The following ERC1 variants were observed in gnomAD, a reference collection of about 807,000 sequenced individuals.
The protein encoded by ERC1 is ELKS/RAB6-interacting/CAST family member 1.
In ERC1, 56 loss-of-function variants were observed where a neutral mutation model predicts 132.0. The ratio of observed to expected loss-of-function variants is 0.42; its 90% CI spans 0.34 to 0.53. ERC1 has a LOEUF of 0.53. Among genes scored for constraint, ERC1 ranks in the 20% least tolerant of loss-of-function variants. ERC1 has a pLI of 0.03. For synonymous variants in ERC1, 478 were observed against 476.1 expected, an observed-to-expected ratio of 1.00 and a Z score of -0.05; for missense variants, 1,202 against 1,349.9, an observed-to-expected ratio of 0.89 and a Z score of 1.72.
intron 15 of ERC1, among the ~76,000 whole-genome samples, chr12:1,363,214 A>G (rs1225877083): frequency 1.3e-5 from 2 of 152,178 alleles, no homozygotes; most frequent in East Asian, 3.8e-4. Context: ...TTTGACAAGT[A>G]GAGATACAGA....
chr12:1,432,808 C>T (rs922154332), intron 17 of ERC1, among the ~76,000 whole-genome samples: 2 of 152,238 alleles, frequency 1.3e-5, no homozygotes, highest in Non-Finnish European at 2.9e-5. Flanking sequence ...TGGCACAGAA[C>T]TATCAATACA....
intron 15 of ERC1, among the ~76,000 whole-genome samples, chr12:1,316,993 C>T (rs11061696): frequency 6.6e-6 from 1 of 151,984 alleles, no homozygotes; most frequent in Non-Finnish European, 1.5e-5. Flanking sequence ...AACCCCATCT[C>T]TACTAAAAAT....
At chr12:1,036,210 C>T (rs1171389917) in intron 2 of ERC1, among the ~76,000 whole-genome samples, 6 of 151,636 alleles carry the variant, frequency 4.0e-5, no homozygotes, top group Non-Finnish European at 7.4e-5. Context: ...ACTTAGGAAT[C>T]GAGAATTTCT....
chr12:1,057,591 T>C (rs1235202512), intron 2 of ERC1, among the ~76,000 whole-genome samples: 1 of 142,388 alleles, frequency 7.0e-6, no homozygotes, highest in African/African-American at 2.6e-5. Context: ...CATGGTTTTT[T>C]TTTTTTTTTT....
intron 15 of ERC1, among the ~76,000 whole-genome samples, chr12:1,291,410 TC>T (rs1407482429): frequency 6.6e-6 from 1 of 152,208 alleles, no homozygotes; most frequent in African/African-American, 2.4e-5. Context: ...GACACTAGAT[TC>T]TTCACTCTGT....
chr12:1,057,042 T>C (rs2154172635), intron 2 of ERC1, among the ~76,000 whole-genome samples: 1 of 152,364 alleles, frequency 6.6e-6, no homozygotes, highest in Middle Eastern at 3.4e-3. Context: ...GATGTTATTT[T>C]ATCTTGAAGC....
chr12:1,146,316 T>G (rs1003589005), intron 8 of ERC1, among the ~76,000 whole-genome samples: 9 of 132,780 alleles, frequency 6.8e-5, no homozygotes, highest in Admixed American at 4.3e-4. Context: ...TGGTTTTTTT[T>G]TTTTTTTTTT....
At chr12:1,165,368 C>T (rs926382191) in intron 8 of ERC1, among the ~76,000 whole-genome samples, 2 of 151,400 alleles carry the variant, frequency 1.3e-5, no homozygotes, top group Admixed American at 6.6e-5. Context: ...TGCAGTGGCG[C>T]GATCTTGGCT....
chr12:1,337,443 G>A (rs1055733996), intron 15 of ERC1, among the ~76,000 whole-genome samples: 8 of 151,714 alleles, frequency 5.3e-5, no homozygotes, highest in African/African-American at 9.7e-5. Context: ...CATTGCATAC[G>A]AAATGGGCCT....
chr12:1,483,345 C>T (rs925217418), intron 18 of ERC1, among the ~76,000 whole-genome samples: 5 of 151,976 alleles, frequency 3.3e-5, no homozygotes, highest in South Asian at 2.1e-4. Flanking sequence ...CTGTTGAGAC[C>T]GGCTTCTTTC....
chr12:1,154,309 ATG>A (rs1285062316), intron 8 of ERC1, among the ~76,000 whole-genome samples: 13 of 148,452 alleles, frequency 8.8e-5, no homozygotes, highest in East Asian at 2.0e-4. Context: ...GTGCATATAT[ATG>A]TGTGTGTGTA....
intron 14 of ERC1, among the ~76,000 whole-genome samples, chr12:1,274,576 T>TC (rs1179106454): frequency 6.6e-6 from 1 of 152,006 alleles, no homozygotes; most frequent in African/African-American, 2.4e-5. Flanking sequence ...TGCTGCAACC[T>TC]CCATCTCCCA....
intron 17 of ERC1, among the ~76,000 whole-genome samples, chr12:1,442,964 G>T (rs1418439965): frequency 1.3e-5 from 2 of 152,084 alleles, no homozygotes; most frequent in Non-Finnish European, 1.5e-5. Context: ...CTGGAGTGCA[G>T]TGGTGTGATC....
chr12:1,317,525 G>T (rs189144732), intron 15 of ERC1, among the ~76,000 whole-genome samples: 4 of 152,100 alleles, frequency 2.6e-5, no homozygotes, highest in African/African-American at 4.8e-5. Flanking sequence ...CGTTCTGCAC[G>T]TGTATCCCAG....
intron 7 of ERC1, among the ~76,000 whole-genome samples, chr12:1,138,032 A>T (rs1279395722): frequency 7.9e-6 from 1 of 126,408 alleles, no homozygotes; most frequent in Admixed American, 8.9e-5. Context: ...ATATTATATA[A>T]TTATATATAA....
chr12:1,110,254 G>A lies in ERC1; in HGVS notation c.1224G>A (p.Leu408=), dbSNP rs1335766892. The A allele has an allele frequency of 2.5e-6, 4 of 1,613,520 alleles. No individual in the cohort carries two copies. The highest frequency in any genetic ancestry group is 3.4e-6 in the Non-Finnish European group (4 of 1,179,778). The change falls in exon 5 of 19, where the codon CTG becomes CTA. Residue 408 remains leucine, a synonymous_variant. Transcript: ENST00000360905. The part of the protein sequence containing the change: ...LRDLEEEIQM[L]KSNGALSTEE... The stretch of plus-strand genomic sequence containing the variant: ...ACCTGGAAGAGGAAATTCAGATGCT[G>A]AAATCGAATGGTGCTTTGAGTACTG...
chr12:1,180,961 G>C (rs1048937388), intron 9 of ERC1, among the ~76,000 whole-genome samples: 45 of 151,968 alleles, frequency 3.0e-4, no homozygotes, highest in African/African-American at 1.1e-3. Flanking sequence ...ACAAGCATGA[G>C]CCACCATGCC....
intron 13 of ERC1, among the ~76,000 whole-genome samples, chr12:1,243,927 A>G (rs1341798541): frequency 6.6e-6 from 1 of 152,130 alleles, no homozygotes; most frequent in Non-Finnish European, 1.5e-5. Context: ...CCATATTTAT[A>G]TTTTTTTCTA....
At chr12:1,439,436 A>G (rs2093041011) in intron 17 of ERC1, among the ~76,000 whole-genome samples, 1 of 152,220 alleles carries the variant, frequency 6.6e-6, no homozygotes, top group South Asian at 2.1e-4. Flanking sequence ...CCTGTTTGAG[A>G]ATCTAATACA....
Sources: allele counts gnomAD v4.1 joint callset (sites outside exome capture counted in the v4.1 genomes callset), GRCh38; gene constraint gnomAD v4.1.1; transcripts MANE v1.5; gene names NCBI Gene and HGNC (gene_info 2026-07-23, HGNC 2026-07-21).